The following SCAND3 variants were observed in gnomAD, a reference collection of about 807,000 sequenced individuals.
The protein encoded by SCAND3 is SCAN domain containing 3.
At chr6:28,573,822 C>T in the SCAND3 span, 15 of 1,522,056 alleles carry the variant, frequency 9.9e-6, no homozygotes, top group South Asian at 6.6e-5. Flanking sequence ...AAGCTTGTTT[C>T]GCCATCTGAA....
the SCAND3 span, chr6:28,574,712 G>T: frequency 3.1e-6 from 5 of 1,614,074 alleles, no homozygotes; most frequent in Non-Finnish European, 4.2e-6. Flanking sequence ...GGTTTAACAG[G>T]CAAACTTCTT....
the SCAND3 span, among the ~76,000 whole-genome samples, chr6:28,615,382 G>A: frequency 6.6e-6 from 1 of 152,178 alleles, no homozygotes; most frequent in Non-Finnish European, 1.5e-5. Flanking sequence ...GAGAGGCCGA[G>A]GTGGGCGGAT....
chr6:28,599,356 A>G, the SCAND3 span, among the ~76,000 whole-genome samples: 23 of 152,370 alleles, frequency 1.5e-4, no homozygotes, highest in East Asian at 4.4e-3. Context: ...ATAGCCAACA[A>G]CATGCAAAAG....
At chr6:28,584,367 A>T in the SCAND3 span, among the ~76,000 whole-genome samples, 64 of 151,448 alleles carry the variant, frequency 4.2e-4, no homozygotes, top group Non-Finnish European at 7.4e-4. Context: ...GCAATGTTTT[A>T]TTTTTTTTTA....
At chr6:28,607,272 T>TC in the SCAND3 span, among the ~76,000 whole-genome samples, 1 of 152,196 alleles carries the variant, frequency 6.6e-6, no homozygotes, top group Non-Finnish European at 1.5e-5. Flanking sequence ...GGACCGCCTT[T>TC]CCACTTTCCT....
the SCAND3 span, among the ~76,000 whole-genome samples, chr6:28,601,197 G>A: frequency 6.6e-6 from 1 of 152,006 alleles, no homozygotes; most frequent in East Asian, 1.9e-4. Context: ...GAGCCACGGC[G>A]CCCGGCCACA....
At chr6:28,581,936 T>TG in the SCAND3 span, among the ~76,000 whole-genome samples, 15 of 152,342 alleles carry the variant, frequency 9.8e-5, no homozygotes, top group South Asian at 3.1e-3. Context: ...ATTTCCCCTG[T>TG]GGGGGAAATC....
chr6:28,584,729 A>C, the SCAND3 span, among the ~76,000 whole-genome samples: 1 of 152,162 alleles, frequency 6.6e-6, no homozygotes, highest in Non-Finnish European at 1.5e-5. Context: ...GAGCCAGGGG[A>C]TGGCCTTCCT....
the SCAND3 span, chr6:28,572,474 T>C: frequency 3.7e-6 from 6 of 1,613,336 alleles, no homozygotes; most frequent in Non-Finnish European, 5.1e-6. This position sits in a 1 kb window ranked among gnomAD's most constrained non-coding sequence, Gnocchi z 4.1. Flanking sequence ...GCTTCTAACT[T>C]CTGTTTTTGT....
the SCAND3 span, among the ~76,000 whole-genome samples, chr6:28,611,801 T>C: frequency 6.6e-6 from 1 of 152,230 alleles, no homozygotes; most frequent in African/African-American, 2.4e-5. Context: ...AAAGACAAGA[T>C]GTTTCAAATA....
chr6:28,601,450 T>A, the SCAND3 span, among the ~76,000 whole-genome samples: 6 of 152,316 alleles, frequency 3.9e-5, no homozygotes, highest in Non-Finnish European at 7.4e-5. Context: ...CTAGAAGAGC[T>A]TTTTTCGATG....
chr6:28,613,927 C>T, the SCAND3 span, among the ~76,000 whole-genome samples: 6 of 152,034 alleles, frequency 3.9e-5, no homozygotes, highest in African/African-American at 1.4e-4. Context: ...TACTATACCA[C>T]TCACAGGGGC....
chr6:28,602,101 G>C, the SCAND3 span, among the ~76,000 whole-genome samples: 3 of 152,142 alleles, frequency 2.0e-5, no homozygotes, highest in Non-Finnish European at 4.4e-5. Context: ...AGTTTGATCT[G>C]TATAGGTCCT....
At chr6:28,586,438 A>G in the SCAND3 span, 2 of 1,614,204 alleles carry the variant, frequency 1.2e-6, no homozygotes, top group Non-Finnish European at 1.7e-6. The surrounding 1 kb of genome is among the most constrained non-coding windows in gnomAD (Gnocchi z 4.4). Context: ...AGCACCAACA[A>G]TTCCAGGATC....
the SCAND3 span, among the ~76,000 whole-genome samples, chr6:28,585,047 G>C: frequency 2.6e-5 from 4 of 152,066 alleles, no homozygotes; most frequent in Non-Finnish European, 5.9e-5. Context: ...CTTATTCCTT[G>C]TTCCAACAGA....
chr6:28,573,671 A>G, the SCAND3 span: 1 of 1,611,780 alleles, frequency 6.2e-7, no homozygotes, highest in South Asian at 1.1e-5. Context: ...TCAATATATG[A>G]AGGATCATAT....
chr6:28,573,721 T>A, the SCAND3 span: 2 of 1,608,910 alleles, frequency 1.2e-6, no homozygotes, highest in Non-Finnish European at 1.7e-6. Context: ...GGTTTTCCCT[T>A]CTTCAGGATA....
the SCAND3 span, chr6:28,571,804 A>G: frequency 1.4e-6 from 2 of 1,408,464 alleles, no homozygotes; most frequent in Non-Finnish European, 9.4e-7. Context: ...TCATACTTCC[A>G]TAACTGTAAC....
At chr6:28,595,869 C>T in the SCAND3 span, among the ~76,000 whole-genome samples, 1 of 152,318 alleles carries the variant, frequency 6.6e-6, no homozygotes, top group Middle Eastern at 3.4e-3. Context: ...TCCCCCACTG[C>T]CCCGCCACTG....
Sources: gnomAD v4.1 joint callset for allele counts (sites outside exome capture counted in the v4.1 genomes callset) on GRCh38, gnomAD v4.1.1 for gene constraint, Gnocchi (gnomAD v3.1) non-coding constraint, MANE v1.5 for transcripts, NCBI Gene and HGNC (gene_info 2026-07-23, HGNC 2026-07-21) for gene names.